The following PLPPR1 variants were observed in gnomAD, a reference collection of about 807,000 sequenced individuals.
The protein encoded by PLPPR1 is phospholipid phosphatase-related protein type 1.
Under a neutral mutation model 33.1 loss-of-function variants are expected in PLPPR1, and 10 were observed. That is an observed-to-expected ratio of 0.30 (90% CI 0.19 to 0.51). PLPPR1 has a LOEUF of 0.51. Ranked by LOEUF, PLPPR1 falls within the 20% of genes least tolerant of loss-of-function variation. The pLI is 0.97. For missense variants in PLPPR1, 304 were observed against 408.1 expected, an observed-to-expected ratio of 0.74 and a Z score of 2.20; for synonymous variants, 151 against 151.0, an observed-to-expected ratio of 1.00 and a Z score of 0.00.
chr9:101,075,355 G>A (rs1392970562), intron 1 of PLPPR1, among the ~76,000 whole-genome samples: 4 of 152,126 alleles, frequency 2.6e-5, no homozygotes, highest in Admixed American at 1.3e-4. Context: ...ATTGTCTTTG[G>A]TAGAGTAAGC....
rs1830430507 is a variant in PLPPR1, at chr9:101,067,292, A to G, written c.-46+38190A>G. ...TAGTGAGCAAATAACATTACTTCAT[A>G]TAATATCACCATCATTATCTTGGTC... On this transcript the variant is annotated intron_variant, in intron 1 of 7. Coordinates refer to ENST00000374874, the MANE Select transcript of PLPPR1 (RefSeq NM_207299.2). Among the ~76,000 whole-genome samples, 7 of 151,882 alleles carry G rather than the reference A, an allele frequency of 4.6e-5. 1 individual carries two copies. The South Asian group carries it at 1.0e-3, about 22-fold the overall frequency.
At chr9:101,253,935 C>T (rs769298186) in intron 2 of PLPPR1, among the ~76,000 whole-genome samples, 2 of 152,048 alleles carry the variant, frequency 1.3e-5, no homozygotes, top group East Asian at 1.9e-4. Context: ...CATTGTACTA[C>T]GGGTCTTTCT....
At chr9:101,314,587 C>A (rs1412143336) in intron 6 of PLPPR1, among the ~76,000 whole-genome samples, 1 of 150,132 alleles carries the variant, frequency 6.7e-6, no homozygotes, top group East Asian at 1.9e-4. Flanking sequence ...ATTAAGTGTG[C>A]AATAGCATTA....
At chr9:101,128,984 T>C (rs886384142) in intron 1 of PLPPR1, among the ~76,000 whole-genome samples, 1 of 152,176 alleles carries the variant, frequency 6.6e-6, no homozygotes, top group Non-Finnish European at 1.5e-5. Flanking sequence ...ATATCATATA[T>C]AGATATTATA....
intron 1 of PLPPR1, among the ~76,000 whole-genome samples, chr9:101,079,024 G>A (rs189787726): frequency 6.6e-6 from 1 of 152,150 alleles, no homozygotes. Flanking sequence ...AGTTATATGT[G>A]TGGATGGTAT....
intron 1 of PLPPR1, among the ~76,000 whole-genome samples, chr9:101,149,678 A>AAGG (rs1831559418): frequency 6.6e-6 from 1 of 152,178 alleles, no homozygotes; most frequent in Non-Finnish European, 1.5e-5. Flanking sequence ...TGTTGCTAGA[A>AAGG]AGGAGTCAGA....
intron 1 of PLPPR1, among the ~76,000 whole-genome samples, chr9:101,125,235 T>A (rs1349654184): frequency 6.6e-6 from 1 of 152,182 alleles, no homozygotes; most frequent in Non-Finnish European, 1.5e-5. Context: ...TTCCTGTGAG[T>A]TCCTGCAAGT....
chr9:101,056,471 CT>C (rs768739094), intron 1 of PLPPR1, among the ~76,000 whole-genome samples: 1 of 152,098 alleles, frequency 6.6e-6, no homozygotes, highest in African/African-American at 2.4e-5. Flanking sequence ...ACAGTGCCCC[CT>C]GATGTAGGCT....
intron 1 of PLPPR1, among the ~76,000 whole-genome samples, chr9:101,117,368 A>G (rs1316331496): frequency 6.6e-6 from 1 of 152,132 alleles, no homozygotes; most frequent in South Asian, 2.1e-4. Flanking sequence ...ATTATACACT[A>G]ATTATAATGT....
chr9:101,316,555 G>A (rs1829053107), intron 6 of PLPPR1, among the ~76,000 whole-genome samples: 1 of 146,812 alleles, frequency 6.8e-6, no homozygotes, highest in South Asian at 2.1e-4. Flanking sequence ...ATTCGAACAT[G>A]CTGGATGAAG....
chr9:101,198,052 G>C lies in PLPPR1; in HGVS notation c.63+12495G>C, dbSNP rs544303517. On this transcript the variant is annotated intron_variant, in intron 2 of 7. Coordinates refer to ENST00000374874, the MANE Select transcript of PLPPR1 (RefSeq NM_207299.2). ...TTGTTTAGGAAAATAAATAATACTT[G>C]AGTACTCTGAATTTCTTTTATTTTA... Among the ~76,000 whole-genome samples, 3 of 151,932 alleles carry C rather than the reference G, an allele frequency of 2.0e-5. No individual in the cohort carries two copies. In the Admixed American group the frequency reaches 2.0e-4, roughly 10 times the overall value.
intron 1 of PLPPR1, among the ~76,000 whole-genome samples, chr9:101,115,409 C>T (rs896259091): frequency 1.6e-4 from 24 of 152,146 alleles, no homozygotes; most frequent in African/African-American, 5.6e-4. Context: ...CCTAAATGGG[C>T]AAACATTGGG....
chr9:101,264,400 T>TG (rs1827949694), intron 2 of PLPPR1, among the ~76,000 whole-genome samples: 2 of 152,120 alleles, frequency 1.3e-5, no homozygotes, highest in Non-Finnish European at 2.9e-5. Context: ...CCATGCATCC[T>TG]CTTCTCCCTC....
chr9:101,303,180 T>A (rs547148172), intron 4 of PLPPR1, among the ~76,000 whole-genome samples: 2 of 151,686 alleles, frequency 1.3e-5, no homozygotes, highest in African/African-American at 4.8e-5. Flanking sequence ...GACAGGGTTT[T>A]ATCATGCTGG....
chr9:101,106,141 C>T (rs36135323), intron 1 of PLPPR1, among the ~76,000 whole-genome samples: 123 of 151,104 alleles, frequency 8.1e-4, no homozygotes, highest in Non-Finnish European at 1.5e-3. Context: ...GAATTTAGTC[C>T]ATTTACATTT....
chr9:101,048,323 G>C (rs563547444), intron 1 of PLPPR1, among the ~76,000 whole-genome samples: 4 of 152,262 alleles, frequency 2.6e-5, no homozygotes, highest in Admixed American at 1.3e-4. Flanking sequence ...AAGACAAAAG[G>C]CATAGACATA....
intron 2 of PLPPR1, among the ~76,000 whole-genome samples, chr9:101,248,448 G>T (rs892751157): frequency 1.3e-5 from 2 of 152,096 alleles, no homozygotes; most frequent in Non-Finnish European, 2.9e-5. Flanking sequence ...TAGCAAAGTA[G>T]TTAGAGTGCC....
intron 2 of PLPPR1, among the ~76,000 whole-genome samples, chr9:101,214,262 C>T (rs1315031747): frequency 6.6e-6 from 1 of 152,200 alleles, no homozygotes; most frequent in African/African-American, 2.4e-5. Context: ...ACAGAGGTAC[C>T]TTATATCCTT....
intron 4 of PLPPR1, among the ~76,000 whole-genome samples, chr9:101,297,158 T>C (rs1429185690): frequency 6.6e-6 from 1 of 152,184 alleles, no homozygotes; most frequent in East Asian, 1.9e-4. Context: ...TAATGTTCCA[T>C]AATTTTAATT....
Sources: allele counts gnomAD v4.1 joint callset (sites outside exome capture counted in the v4.1 genomes callset), GRCh38; gene constraint gnomAD v4.1.1; transcripts MANE v1.5; gene names NCBI Gene and HGNC (gene_info 2026-07-23, HGNC 2026-07-21).